PIEZO1: variants seen among roughly 807,000 people sequenced by gnomAD.
PIEZO1 encodes piezo-type mechanosensitive ion channel component 1.
In PIEZO1, 296 loss-of-function variants were observed where a neutral mutation model predicts 297.2. The observed-to-expected ratio is 1.00, with a 90% CI of 0.91 to 1.10. The LOEUF is 1.10. Among genes scored for constraint, PIEZO1 ranks in the 50% least tolerant of loss-of-function variants. The pLI, the probability that PIEZO1 is intolerant of heterozygous loss-of-function variation, is 0.00. For missense variants in PIEZO1, 5,018 were observed against 3,455.5 expected (o/e 1.45, Z -11.34); for synonymous variants, 2,427 against 1,507.5 (o/e 1.61, Z -14.13).
At chr16:88,746,171 A>G (rs4782400) in intron 2 of PIEZO1, among the ~76,000 whole-genome samples, 82,214 of 152,020 alleles carry the variant, frequency 0.54, 22,894 homozygotes, top group Non-Finnish European at 0.62. Context: ...GCTGCGGGGT[A>G]GGGCCACGAG....
chr16:88,746,012 G>A lies in PIEZO1; in HGVS notation c.160+3372C>T, dbSNP rs559315524. ...AGGGCTGGGCCTGATTGTTCTGTGGGGAGTGTGGAGTTGCCCTGAGTCTGA... is the reference window on the plus strand; with the variant it reads ...AGGGCTGGGCCTGATTGTTCTGTGGAGAGTGTGGAGTTGCCCTGAGTCTGA... On this transcript the variant is annotated intron_variant, in intron 2 of 50. Coordinates refer to ENST00000301015, the MANE Select transcript of PIEZO1 (RefSeq NM_001142864.4). 6.6e-5 allele frequency among the ~76,000 whole-genome samples: 10 copies of A among 152,322 alleles called. No individual in the cohort carries two copies. The South Asian group carries it at 2.1e-3, about 32-fold the overall frequency.
intron 27 of PIEZO1, chr16:88,726,051 C>G (rs568726516): frequency 1.7e-6 from 1 of 574,920 alleles, no homozygotes; most frequent in Non-Finnish European, 3.1e-6. Context: ...GGGTGAGACA[C>G]CAGCCACCGT....
rs11076706 is a variant in PIEZO1, at chr16:88,738,448, G to A, written c.635-8C>T. ...CCGAGGGGTGGGCGATGCCTGCGGG[G>A]CAGGGGCACACAGGGTGGTACCTGG... is the stretch of plus-strand genomic sequence containing the variant. On this transcript the variant is annotated splice_polypyrimidine_tract_variant and splice_region_variant and intron_variant, in intron 6 of 50. Coordinates refer to ENST00000301015, the MANE Select transcript of PIEZO1 (RefSeq NM_001142864.4). The A allele has an allele frequency of 0.19, 297,121 of 1,534,314 alleles. 32,968 individuals are homozygous for A. The highest frequency in any genetic ancestry group is 0.54 in the East Asian group (22,196 of 40,882).
At chr16:88,772,944 G>A (rs987443339) in intron 1 of PIEZO1, among the ~76,000 whole-genome samples, 7 of 152,172 alleles carry the variant, frequency 4.6e-5, no homozygotes, top group African/African-American at 1.4e-4. Flanking sequence ...AAACACCCAC[G>A]GGACACGTGA....
At chr16:88,749,206 C>G (rs183655974) in intron 2 of PIEZO1, among the ~76,000 whole-genome samples, 178 bp downstream of exon 2, 8 of 151,842 alleles carry the variant, frequency 5.3e-5, no homozygotes, top group African/African-American at 7.3e-5. Context: ...CGCCACTGCA[C>G]TCCAGCCTGG....
intron 1 of PIEZO1, among the ~76,000 whole-genome samples, chr16:88,762,476 G>A (rs1906976607): frequency 6.6e-6 from 1 of 152,210 alleles, no homozygotes. Context: ...GGGGACGGCA[G>A]GACCCCCTCC....
chr16:88,727,237 C>G (rs768949054), intron 23 of PIEZO1, 45 bp from the exon 24 acceptor site: 1 of 1,491,104 alleles, frequency 6.7e-7, no homozygotes, highest in Non-Finnish European at 8.9e-7. Context: ...GGGACCCACA[C>G]GAGGTGGGCA....
Position 88,721,535 on chromosome 16 carries a change from C to A in PIEZO1, c.5403+3G>T, listed in dbSNP as rs1350198535. On this transcript the variant is annotated splice_donor_region_variant and intron_variant, in intron 38 of 50. Transcript: ENST00000301015. ...CGCATTGCCAGCCAAGGCTCACACT[C>A]ACCAGCAGCTGGGAGCGGTGGAAGA... 14 of 1,548,126 alleles carry A rather than the reference C, an allele frequency of 9.0e-6. No homozygotes were observed. Among genetic ancestry groups the A allele is most frequent in the Non-Finnish European group, 1.2e-5 (14 of 1,145,384 alleles).
At position 88,737,711 on chromosome 16, in the gene PIEZO1, C is replaced by T; in HGVS notation, c.1107+17G>A. 4.6e-6 allele frequency: 7 copies of T among 1,535,172 alleles called. No individual in the cohort carries two copies. Among genetic ancestry groups the T allele is most frequent in the Non-Finnish European group, 5.2e-6 (6 of 1,146,298 alleles). ...GGCGCCCCCCACGCTGGCGTCTCCA[C>T]CTGCCTGGCTGCTCACCTGGTCAGA... On this transcript the variant is annotated intron_variant, in intron 9 of 50. Coordinates refer to ENST00000301015, the MANE Select transcript of PIEZO1 (RefSeq NM_001142864.4).
intron 31 of PIEZO1, among the ~76,000 whole-genome samples, chr16:88,723,588 C>T (rs1487080701): frequency 6.6e-6 from 1 of 152,258 alleles, no homozygotes; most frequent in Non-Finnish European, 1.5e-5. Flanking sequence ...AGGCGGCCAG[C>T]ACAAAGGTGT....
chr16:88,767,201 C>T (rs1310837101), intron 1 of PIEZO1, among the ~76,000 whole-genome samples: 1 of 152,200 alleles, frequency 6.6e-6, no homozygotes, highest in Non-Finnish European at 1.5e-5. Context: ...TCTCATGAGT[C>T]TCGGGACATC....
At position 88,772,101 on chromosome 16, in the gene PIEZO1, C is replaced by T. The variant is rs375556715; in HGVS notation, c.64+12800G>A. ...TGCCTGTCCACCCGCGGCCCCAGGC[C>T]CTCCTGAGACTCTGGTCAGGATGCC... On this transcript the variant is annotated intron_variant, in intron 1 of 50. Coordinates refer to ENST00000301015, the MANE Select transcript of PIEZO1 (RefSeq NM_001142864.4). 4.0e-4 allele frequency among the ~76,000 whole-genome samples: 61 copies of T among 150,744 alleles called. 1 individual carries two copies. In the East Asian group the frequency reaches 0.01, roughly 25 times the overall value.
intron 1 of PIEZO1, among the ~76,000 whole-genome samples, chr16:88,783,197 G>C (rs1908015005): frequency 6.6e-6 from 1 of 152,158 alleles, no homozygotes; most frequent in Non-Finnish European, 1.5e-5. Flanking sequence ...CACGCGGATA[G>C]CAATCGAGAA....
At chr16:88,724,605 G>C (rs1278406416) in intron 30 of PIEZO1, among the ~76,000 whole-genome samples, 4 of 151,950 alleles carry the variant, frequency 2.6e-5, no homozygotes, top group African/African-American at 7.3e-5. Context: ...GAGGCAGGAG[G>C]ATCACTTGAA....
At chr16:88,717,470 T>C (rs369739242) in intron 44 of PIEZO1, 4 of 600,636 alleles carry the variant, frequency 6.7e-6, no homozygotes, top group Non-Finnish European at 1.2e-5. Flanking sequence ...TTCAACACGG[T>C]GCAGGCACCG....
At position 88,719,565 on chromosome 16, in the gene PIEZO1, C is replaced by T. The variant is rs761913079; in HGVS notation, c.6471+9G>A. Reference sequence around the variant, plus strand: ...CCCTTGTCCCGGCCCCCGCCCTGGGCCCAGGCACCTTCTCTGTCTCTCGGC... The same window carrying T: ...CCCTTGTCCCGGCCCCCGCCCTGGGTCCAGGCACCTTCTCTGTCTCTCGGC... On this transcript the variant is annotated intron_variant, in intron 44 of 50. Transcript: ENST00000301015. 46 of 1,550,192 alleles carry T rather than the reference C, an allele frequency of 3.0e-5. No homozygotes were observed. The Admixed American group carries it at 8.8e-4, about 30-fold the overall frequency.
Position 88,720,611 on chromosome 16 carries a change from C to G in PIEZO1, c.5801+5G>C. ...CCCCAGCTGCCCCCGGCCGCCATCA[C>G]TCACAGGGACAGGCAGAAGCCCTGC... On this transcript the variant is annotated splice_donor_5th_base_variant and intron_variant, in intron 40 of 50. Coordinates refer to ENST00000301015, the MANE Select transcript of PIEZO1 (RefSeq NM_001142864.4). 1 of 1,544,222 alleles carries G rather than the reference C, an allele frequency of 6.5e-7. No individual in the cohort carries two copies.
chr16:88,719,574 C>T lies in PIEZO1; in HGVS notation c.6471G>A (p.Lys2157=), dbSNP rs773142883. Residue 2157 remains lysine (K), a splice_region_variant and synonymous_variant, in exon 44 of 51, where the codon AAG becomes AAA. Coordinates refer to ENST00000301015, the MANE Select transcript of PIEZO1 (RefSeq NM_001142864.4). ...CGGCCCCCGCCCTGGGCCCAGGCAC[C>T]TTCTCTGTCTCTCGGCTGCATTTGA... ...FIIKCSRETE[K]KYPQPKGQKK... is the part of the protein sequence containing the mutation. The T allele has an allele frequency of 2.6e-6, 4 of 1,550,430 alleles. No individual in the cohort carries two copies. In the African/African-American group the frequency reaches 4.1e-5, roughly 16 times the overall value.
chr16:88,724,754 G>A (rs745469398), intron 30 of PIEZO1, among the ~76,000 whole-genome samples: 2 of 152,142 alleles, frequency 1.3e-5, no homozygotes, highest in Admixed American at 6.5e-5. Context: ...ATCGCTGCTC[G>A]ACCACCATGT....
Sources: allele counts gnomAD v4.1 joint callset (sites outside exome capture counted in the v4.1 genomes callset), GRCh38; gene constraint gnomAD v4.1.1; transcripts MANE v1.5; gene names NCBI Gene and HGNC (gene_info 2026-07-23, HGNC 2026-07-21).